RYK: variants seen among roughly 807,000 people sequenced by gnomAD.
RYK encodes inactive tyrosine-protein kinase RYK.
In RYK, 21 loss-of-function variants were observed where a neutral mutation model predicts 70.2. The observed-to-expected ratio is 0.30, with a 90% CI of 0.21 to 0.43. The LOEUF is 0.43. RYK is among the 20% of genes least tolerant of loss of function. The pLI, the probability that RYK is intolerant of heterozygous loss-of-function variation, is 1.00. For missense variants in RYK, 604 were observed against 753.3 expected (o/e 0.80, Z 2.32); for synonymous variants, 267 against 278.0 (o/e 0.96, Z 0.39).
intron 13 of RYK, among the ~76,000 whole-genome samples, chr3:134,172,880 C>T (rs577654019): frequency 3.1e-4 from 47 of 152,256 alleles, no homozygotes; most frequent in African/African-American, 1.1e-3. Flanking sequence ...CTCATCCTGC[C>T]ACCCATCACC....
chr3:134,222,690 A>G (rs7611104), intron 1 of RYK, among the ~76,000 whole-genome samples, 151 bp from the exon 2 acceptor site: 112,375 of 152,078 alleles, frequency 0.74, 42,108 homozygotes, highest in East Asian at 0.99. Context: ...TATGAAGCAA[A>G]AAAGACACGG....
At chr3:134,239,382 A>G (rs947216053) in intron 1 of RYK, among the ~76,000 whole-genome samples, 16 of 152,160 alleles carry the variant, frequency 1.1e-4, no homozygotes, top group Non-Finnish European at 4.4e-5. Flanking sequence ...GGATCACTTG[A>G]GTCTGGGAGA....
At chr3:134,174,221 C>G (rs2013021775) in intron 13 of RYK, among the ~76,000 whole-genome samples, 1 of 152,142 alleles carries the variant, frequency 6.6e-6, no homozygotes, top group Non-Finnish European at 1.5e-5. Flanking sequence ...AGGAGCCCAG[C>G]CCTGACTACA....
At chr3:134,187,163 T>C (rs2013491853) in intron 9 of RYK, among the ~76,000 whole-genome samples, 1 of 152,188 alleles carries the variant, frequency 6.6e-6, no homozygotes, top group African/African-American at 2.4e-5. Flanking sequence ...AAGAGGTGTG[T>C]GTGTATGGAT....
intron 1 of RYK, among the ~76,000 whole-genome samples, chr3:134,250,100 G>GA: frequency 6.6e-6 from 1 of 151,948 alleles, no homozygotes; most frequent in African/African-American, 2.4e-5. Flanking sequence ...CGTGCAGCAA[G>GA]GAAAAAAAGT....
chr3:134,212,112 C>T (rs1266464628), intron 2 of RYK, among the ~76,000 whole-genome samples: 1 of 152,204 alleles, frequency 6.6e-6, no homozygotes. Context: ...AAGTCACATC[C>T]TCTAGTCTTG....
intron 10 of RYK, 79 bp from the exon 11 acceptor site, chr3:134,178,152 A>C (rs1456812121): frequency 1.1e-5 from 11 of 997,654 alleles, no homozygotes; most frequent in Non-Finnish European, 1.6e-5. Context: ...AAATAATCTA[A>C]AACAAAACAA....
chr3:134,243,922 A>G (rs1257128680), intron 1 of RYK, among the ~76,000 whole-genome samples: 2 of 152,220 alleles, frequency 1.3e-5, no homozygotes, highest in Non-Finnish European at 2.9e-5. Flanking sequence ...AAGGAGTGTA[A>G]TAATTTTGAA....
chr3:134,234,057 A>G (rs2015136869), intron 1 of RYK, among the ~76,000 whole-genome samples: 1 of 152,102 alleles, frequency 6.6e-6, no homozygotes, highest in Non-Finnish European at 1.5e-5. Flanking sequence ...ATTATGGATG[A>G]TTTTTATTAT....
At position 134,188,832 on chromosome 3, in the gene RYK, C is replaced by T. The variant is rs199942923; in HGVS notation, c.1102+5G>A. On this transcript the variant is annotated splice_donor_5th_base_variant and intron_variant, in intron 9 of 14. Transcript: ENST00000623711. ...CATGGAAATACTATGGAAAAAAGAT[C>T]CTACCTTTAACTGTTTTGACAAATG... is the stretch of plus-strand genomic sequence containing the variant. The T allele has an allele frequency of 9.4e-5, 142 of 1,514,000 alleles. No individual in the cohort carries two copies. The highest frequency in any genetic ancestry group is 1.2e-4 in the Non-Finnish European group (132 of 1,099,402). 93.8% of individuals were successfully genotyped at this position (1,514,000 alleles called of 1,614,324 possible).
intron 13 of RYK, among the ~76,000 whole-genome samples, chr3:134,175,062 G>A (rs776851554): frequency 7.9e-5 from 12 of 152,178 alleles, no homozygotes; most frequent in Non-Finnish European, 1.2e-4. Flanking sequence ...GTCAATGGGC[G>A]TGGTGGCTCA....
intron 13 of RYK, among the ~76,000 whole-genome samples, chr3:134,170,145 T>C (rs530524142): frequency 2.0e-5 from 3 of 152,300 alleles, no homozygotes; most frequent in Non-Finnish European, 4.4e-5. Context: ...GATACATACA[T>C]ACATATGTGT....
At chr3:134,185,492 G>A (rs2013431770) in intron 9 of RYK, among the ~76,000 whole-genome samples, 2 of 152,154 alleles carry the variant, frequency 1.3e-5, no homozygotes, top group Admixed American at 1.3e-4. Flanking sequence ...TGTAAAATGG[G>A]TAGACAAAAA....
chr3:134,241,248 C>T (rs923522762), intron 1 of RYK, among the ~76,000 whole-genome samples: 3 of 151,266 alleles, frequency 2.0e-5, no homozygotes, highest in African/African-American at 7.3e-5. Context: ...TACTCAGGAG[C>T]CTTAGGCACG....
At chr3:134,213,023 C>T (rs560496503) in intron 2 of RYK, among the ~76,000 whole-genome samples, 1 of 152,172 alleles carries the variant, frequency 6.6e-6, no homozygotes, top group South Asian at 2.1e-4. Context: ...TCAGTGACTT[C>T]GAGGTACCTT....
chr3:134,240,797 C>G (rs1221867902), intron 1 of RYK, among the ~76,000 whole-genome samples: 1 of 152,110 alleles, frequency 6.6e-6, no homozygotes, highest in Non-Finnish European at 1.5e-5. Context: ...GGGAAAGGGC[C>G]TAAGGCTTTC....
chr3:134,178,950 T>G (rs2013202580), intron 10 of RYK: 1 of 152,204 alleles, frequency 6.6e-6, no homozygotes. Flanking sequence ...TAATCTATGC[T>G]ATATAAAACA....
At chr3:134,211,662 A>G in intron 2 of RYK, 55 bp from the exon 3 acceptor site, 1 of 1,195,806 alleles carries the variant, frequency 8.4e-7, no homozygotes, top group East Asian at 2.4e-5. Flanking sequence ...GAAGGATACT[A>G]TCAGCTTGAC....
At chr3:134,217,270 G>GT (rs368582338) in intron 2 of RYK, among the ~76,000 whole-genome samples, 14 of 152,326 alleles carry the variant, frequency 9.2e-5, no homozygotes, top group African/African-American at 3.1e-4. Context: ...TTCTGATAAA[G>GT]TATTAGAGCT....
Sources: gnomAD v4.1 joint callset for allele counts (sites outside exome capture counted in the v4.1 genomes callset) on GRCh38, gnomAD v4.1.1 for gene constraint, MANE v1.5 for transcripts, NCBI Gene and HGNC (gene_info 2026-07-23, HGNC 2026-07-21) for gene names.